MLLT3: variants seen among roughly 807,000 people sequenced by gnomAD.
MLLT3 encodes the protein protein AF-9.
A neutral mutation model predicts 53.2 loss-of-function variants in MLLT3; 4 were observed. The observed-to-expected ratio is 0.08, with a 90% confidence interval of 0.04 to 0.17. The LOEUF (loss-of-function observed/expected upper bound fraction) is 0.17, where lower values mean the gene tolerates loss of function less well. Among genes scored for constraint, MLLT3 ranks in the 10% least tolerant of loss-of-function variants. The probability of loss-of-function intolerance (pLI) is 1.00; values close to 1 mark genes in which losing one functional copy is unlikely to be tolerated. For missense variants in MLLT3, 569 were observed against 684.0 expected (o/e 0.83, Z 1.87); for synonymous variants, 283 against 230.6 (o/e 1.23, Z -2.06).
chr9:20,521,360 T>C (rs1179091870), intron 2 of MLLT3, among the ~76,000 whole-genome samples: 1 of 152,160 alleles, frequency 6.6e-6, no homozygotes, highest in African/African-American at 2.4e-5. Context: ...CATGAGCCAC[T>C]GCACCCAGCC....
At chr9:20,589,286 G>C (rs1367606602) in intron 2 of MLLT3, among the ~76,000 whole-genome samples, 2 of 151,980 alleles carry the variant, frequency 1.3e-5, no homozygotes, top group Non-Finnish European at 2.9e-5. Context: ...CCTTTGTAGG[G>C]ACATGGAGGA....
At chr9:20,553,417 G>T (rs1818976512) in intron 2 of MLLT3, among the ~76,000 whole-genome samples, 1 of 152,156 alleles carries the variant, frequency 6.6e-6, no homozygotes, top group South Asian at 2.1e-4. Context: ...CAGGCATGGT[G>T]TTAGGTGCCC....
chr9:20,584,692 G>C (rs1204874150), intron 2 of MLLT3, among the ~76,000 whole-genome samples: 1 of 152,096 alleles, frequency 6.6e-6, no homozygotes, highest in Non-Finnish European at 1.5e-5. Flanking sequence ...GCACAAGAAA[G>C]ACCAGGCCCC....
intron 2 of MLLT3, among the ~76,000 whole-genome samples, chr9:20,561,078 T>G (rs1054615663): frequency 2.6e-5 from 4 of 152,014 alleles, no homozygotes; most frequent in African/African-American, 7.2e-5. Flanking sequence ...CTACTTTATT[T>G]TGTGTGTGTG....
intron 2 of MLLT3, among the ~76,000 whole-genome samples, chr9:20,463,876 A>G (rs1824171608): frequency 6.6e-6 from 1 of 152,170 alleles, no homozygotes; most frequent in Admixed American, 6.5e-5. Context: ...TACACAGAAA[A>G]TGATCTTCTA....
chr9:20,546,801 T>C (rs1818800129), intron 2 of MLLT3, among the ~76,000 whole-genome samples: 1 of 152,256 alleles, frequency 6.6e-6, no homozygotes, highest in African/African-American at 2.4e-5. Context: ...ATACAGGGGA[T>C]CGAGGCTCTT....
intron 4 of MLLT3, among the ~76,000 whole-genome samples, chr9:20,446,288 T>C (rs10964561): frequency 6.6e-6 from 1 of 152,194 alleles, no homozygotes; most frequent in South Asian, 2.1e-4. Context: ...TAGGAAAATA[T>C]CTGCTGGCTT....
chr9:20,605,134 C>T (rs971922999), intron 2 of MLLT3, among the ~76,000 whole-genome samples: 1 of 151,998 alleles, frequency 6.6e-6, no homozygotes, highest in Non-Finnish European at 1.5e-5. Context: ...AGGATTTATA[C>T]CATTTTATAG....
intron 2 of MLLT3, among the ~76,000 whole-genome samples, chr9:20,567,010 C>T (rs1003432479): frequency 3.3e-5 from 5 of 151,890 alleles, no homozygotes; most frequent in Admixed American, 2.0e-4. Context: ...TTAAAGGCAC[C>T]GTCCAGCAAC....
At chr9:20,402,330 G>GA (rs1469648447) in intron 5 of MLLT3, among the ~76,000 whole-genome samples, 1 of 152,178 alleles carries the variant, frequency 6.6e-6, no homozygotes, top group Non-Finnish European at 1.5e-5. Flanking sequence ...GTCCATCAGA[G>GA]AAAGAAAGGA....
At chr9:20,416,617 T>C (rs1249711263) in intron 4 of MLLT3, among the ~76,000 whole-genome samples, 2 of 152,122 alleles carry the variant, frequency 1.3e-5, no homozygotes, top group Non-Finnish European at 2.9e-5. Flanking sequence ...TCTAGAAATA[T>C]GTCTTTTTAT....
chr9:20,417,474 G>A (rs1822900454), intron 4 of MLLT3, among the ~76,000 whole-genome samples: 1 of 151,110 alleles, frequency 6.6e-6, no homozygotes, highest in Non-Finnish European at 1.5e-5. Context: ...TCAACGTTAA[G>A]TACCACTGAG....
At chr9:20,406,690 C>T (rs140525981) in intron 5 of MLLT3, among the ~76,000 whole-genome samples, 3 of 152,206 alleles carry the variant, frequency 2.0e-5, no homozygotes, top group Non-Finnish European at 2.9e-5. Context: ...CTTCTATGAC[C>T]GTGAAAGGCA....
chr9:20,399,891 G>C (rs375390350), intron 5 of MLLT3, among the ~76,000 whole-genome samples: 39 of 152,156 alleles, frequency 2.6e-4, no homozygotes, highest in African/African-American at 8.4e-4. Flanking sequence ...CTGCTGGTTT[G>C]GGGGGAGAAA....
intron 8 of MLLT3, among the ~76,000 whole-genome samples, chr9:20,355,710 T>C (rs1821156265): frequency 6.6e-6 from 1 of 152,220 alleles, no homozygotes; most frequent in African/African-American, 2.4e-5. Flanking sequence ...CACATGTGTA[T>C]AAACACAAAA....
chr9:20,379,658 C>G (rs916032125), intron 5 of MLLT3, among the ~76,000 whole-genome samples: 1 of 151,972 alleles, frequency 6.6e-6, no homozygotes, highest in African/African-American at 2.4e-5. Flanking sequence ...AATTTAAAAA[C>G]AATAAGAAGG....
At chr9:20,475,438 C>A (rs1172529714) in intron 2 of MLLT3, among the ~76,000 whole-genome samples, 1 of 152,010 alleles carries the variant, frequency 6.6e-6, no homozygotes, top group Non-Finnish European at 1.5e-5. Context: ...TTCTGATCTG[C>A]TGCATGAAAA....
intron 2 of MLLT3, among the ~76,000 whole-genome samples, chr9:20,586,401 G>A (rs10757142): frequency 0.62 from 83,978 of 135,678 alleles, 24,360 homozygotes; most frequent in Middle Eastern, 0.75. Flanking sequence ...TGACTGGAAA[G>A]AAAAAAAAAA....
intron 2 of MLLT3, among the ~76,000 whole-genome samples, chr9:20,511,176 T>A (rs950774145): frequency 6.6e-6 from 1 of 152,146 alleles, no homozygotes; most frequent in East Asian, 1.9e-4. Context: ...GGTGTATGTG[T>A]GTGTGCATGT....
Sources: gnomAD v4.1 joint callset for allele counts (sites outside exome capture counted in the v4.1 genomes callset) on GRCh38, gnomAD v4.1.1 for gene constraint, MANE v1.5 for transcripts, NCBI Gene and HGNC (gene_info 2026-07-23, HGNC 2026-07-21) for gene names.